The following PEBP4 variants were observed in gnomAD, a reference collection of about 807,000 sequenced individuals.
The protein encoded by PEBP4 is phosphatidylethanolamine binding protein 4.
A neutral mutation model predicts 23.9 loss-of-function variants in PEBP4; 22 were observed. That is an observed-to-expected ratio of 0.92 (90% CI 0.66 to 1.31). The LOEUF (loss-of-function observed/expected upper bound fraction) is 1.31, where lower values mean the gene tolerates loss of function less well. Ranked by LOEUF, PEBP4 falls within the 40% of genes most tolerant of loss-of-function variation. PEBP4 has a pLI of 0.00. For synonymous variants in PEBP4, 112 were observed against 99.3 expected, an observed-to-expected ratio of 1.13 and a Z score of -0.76; for missense variants, 324 against 281.7, an observed-to-expected ratio of 1.15 and a Z score of -1.07.
At chr8:22,870,265 G>C (rs946092387) in intron 3 of PEBP4, among the ~76,000 whole-genome samples, 1 of 152,196 alleles carries the variant, frequency 6.6e-6, no homozygotes, top group South Asian at 2.1e-4. Context: ...GAAAAGCAAT[G>C]AGCTACCAAG....
chr8:22,864,966 C>T (rs897636924), intron 3 of PEBP4, among the ~76,000 whole-genome samples: 1 of 152,122 alleles, frequency 6.6e-6, no homozygotes, highest in Admixed American at 6.5e-5. Flanking sequence ...TTCACGGCCA[C>T]TAGGGGGCAG....
At chr8:22,902,605 G>C (rs1257656017) in intron 3 of PEBP4, among the ~76,000 whole-genome samples, 2 of 152,146 alleles carry the variant, frequency 1.3e-5, no homozygotes, top group Non-Finnish European at 2.9e-5. Context: ...CTGGACTCTA[G>C]CCTCAGCTCT....
chr8:22,887,224 C>T (rs1249605402), intron 3 of PEBP4: 1 of 152,042 alleles, frequency 6.6e-6, no homozygotes, highest in Non-Finnish European at 1.5e-5. Context: ...TCTCAACTCA[C>T]TGCAACCTGC....
chr8:22,902,502 C>A (rs568964708), intron 3 of PEBP4, among the ~76,000 whole-genome samples: 1 of 152,214 alleles, frequency 6.6e-6, no homozygotes, highest in East Asian at 1.9e-4. Context: ...GAGGATATGA[C>A]AAGCCCCATG....
At chr8:22,725,159 G>T (rs537359566) in intron 5 of PEBP4, among the ~76,000 whole-genome samples, 1 of 152,010 alleles carries the variant, frequency 6.6e-6, no homozygotes, top group Non-Finnish European at 1.5e-5. Context: ...GGGTGAGAGT[G>T]GGGGAGGAGG....
At chr8:22,938,229 A>T (rs1212351049) in intron 1 of PEBP4, among the ~76,000 whole-genome samples, 2 of 151,802 alleles carry the variant, frequency 1.3e-5, no homozygotes, top group East Asian at 3.9e-4. Flanking sequence ...CGTCCTCTTC[A>T]CTGTGTAGAC....
At position 22,740,548 on chromosome 8, in the gene PEBP4, C is replaced by T. The variant is rs1013702584; in HGVS notation, c.358-13328G>A. 1.8e-4 allele frequency among the ~76,000 whole-genome samples: 27 copies of T among 152,232 alleles called. 1 individual carries two copies. Among genetic ancestry groups the T allele is most frequent in the African/African-American group, 1.4e-4 (6 of 41,442 alleles). ...ACCACCACAGCAGCTTCCTGCTCTC[C>T]GAACCTTCCTGCCCAATTCCCCTGG... On this transcript the variant is annotated intron_variant, in intron 4 of 6. Coordinates refer to ENST00000256404, the MANE Select transcript of PEBP4 (RefSeq NM_144962.3).
intron 3 of PEBP4, among the ~76,000 whole-genome samples, chr8:22,869,198 T>C (rs1189112339): frequency 6.6e-6 from 1 of 152,244 alleles, no homozygotes; most frequent in African/African-American, 2.4e-5. Flanking sequence ...AAGTCCACTC[T>C]GCCATCCTAT....
At chr8:22,736,053 C>G (rs924693677) in intron 4 of PEBP4, among the ~76,000 whole-genome samples, 11 of 152,142 alleles carry the variant, frequency 7.2e-5, no homozygotes, top group African/African-American at 2.7e-4. Flanking sequence ...GCCCCTGGTG[C>G]CTCTGGGGCC....
In PEBP4 at chr8:22,750,104, C is replaced by A. The variant is rs533827593; in HGVS notation, c.358-22884G>T. Among the ~76,000 whole-genome samples the A allele has an allele frequency of 8.6e-5, 13 of 151,758 alleles. No homozygotes were observed. The East Asian group carries it at 2.5e-3, about 30-fold the overall frequency. ...TACAGGCGTGAGCCACCGCACCCAG[C>A]CTTTCTTTCTTTTTTGAGACTGAGT... is the stretch of plus-strand genomic sequence containing the variant. On this transcript the variant is annotated intron_variant, in intron 4 of 6. Coordinates refer to ENST00000256404, the MANE Select transcript of PEBP4 (RefSeq NM_144962.3).
chr8:22,902,073 CT>C (rs2128776996), intron 3 of PEBP4, among the ~76,000 whole-genome samples: 1 of 152,130 alleles, frequency 6.6e-6, no homozygotes, highest in East Asian at 1.9e-4. Flanking sequence ...AATCCCAGCA[CT>C]TTGGGAGGCT....
intron 3 of PEBP4, among the ~76,000 whole-genome samples, chr8:22,877,581 G>A (rs958200885): frequency 8.5e-5 from 13 of 152,132 alleles, no homozygotes; most frequent in Admixed American, 2.0e-4. Context: ...ACACACGGGC[G>A]GGCTCACTGT....
intron 4 of PEBP4, among the ~76,000 whole-genome samples, chr8:22,805,475 C>T (rs1023969625): frequency 8.5e-5 from 13 of 152,204 alleles, no homozygotes; most frequent in African/African-American, 2.9e-4. Flanking sequence ...TACAGGCATG[C>T]GCCACCATGC....
At chr8:22,728,393 C>A (rs576940441) in intron 4 of PEBP4, among the ~76,000 whole-genome samples, 15 of 152,292 alleles carry the variant, frequency 9.8e-5, no homozygotes, top group East Asian at 3.9e-4. Context: ...AGAGCTAGGT[C>A]TCATTTGGTT....
intron 4 of PEBP4, among the ~76,000 whole-genome samples, chr8:22,816,337 C>T (rs528763594): frequency 4.6e-5 from 7 of 152,324 alleles, no homozygotes; most frequent in African/African-American, 1.7e-4. Flanking sequence ...TGCCTGTCCA[C>T]CTGAGCTCCG....
At chr8:22,828,749 G>A (rs1194721749) in intron 3 of PEBP4, among the ~76,000 whole-genome samples, 3 of 152,126 alleles carry the variant, frequency 2.0e-5, no homozygotes, top group Non-Finnish European at 4.4e-5. Context: ...AATCTCCTTC[G>A]TGTCCTTGAG....
chr8:22,933,017 A>AAAG (rs1251123831), intron 1 of PEBP4, among the ~76,000 whole-genome samples: 1 of 151,844 alleles, frequency 6.6e-6, no homozygotes, highest in Non-Finnish European at 1.5e-5. Flanking sequence ...AAAAAAAAAA[A>AAAG]AAAGGTTGGA....
intron 2 of PEBP4, among the ~76,000 whole-genome samples, chr8:22,921,785 C>A (rs1809206311): frequency 6.6e-6 from 1 of 152,204 alleles, no homozygotes; most frequent in Non-Finnish European, 1.5e-5. Flanking sequence ...TTTTAGGTGA[C>A]CAGTTTTATC....
At chr8:22,722,346 T>C (rs1043248586) in intron 6 of PEBP4, among the ~76,000 whole-genome samples, 2 of 152,176 alleles carry the variant, frequency 1.3e-5, no homozygotes, top group African/African-American at 4.8e-5. Flanking sequence ...CCTTATTTTC[T>C]AGATTAGGAA....
Sources: gnomAD v4.1 joint callset for allele counts (sites outside exome capture counted in the v4.1 genomes callset) on GRCh38, gnomAD v4.1.1 for gene constraint, MANE v1.5 for transcripts, NCBI Gene and HGNC (gene_info 2026-07-23, HGNC 2026-07-21) for gene names.